The following THTPA variants were observed in gnomAD, a reference collection of about 807,000 sequenced individuals.
THTPA encodes thiamine-triphosphatase.
A neutral mutation model predicts 16.5 loss-of-function variants in THTPA; 16 were observed. That is an observed-to-expected ratio of 0.97 (90% CI 0.66 to 1.47). The LOEUF (loss-of-function observed/expected upper bound fraction) is 1.47, where lower values mean the gene tolerates loss of function less well. Among genes scored for constraint, THTPA ranks in the 40% most tolerant of loss-of-function variants. The pLI is 0.00. For missense variants in THTPA, 281 were observed against 280.9 expected, an observed-to-expected ratio of 1.00 and a Z score of 0.00; for synonymous variants, 110 against 115.5, an observed-to-expected ratio of 0.95 and a Z score of 0.30.
the THTPA span, chr14:23,534,965 C>T: frequency 6.5e-6 from 10 of 1,536,168 alleles, no homozygotes; most frequent in Non-Finnish European, 8.7e-6. This position sits in a 1 kb window ranked among gnomAD's most constrained non-coding sequence, Gnocchi z 4.5. Context: ...AGGTAGGCCT[C>T]ACCTCCAGCT....
In THTPA at chr14:23,557,280, A is replaced by T. The variant is rs147185061; in HGVS notation, c.523A>T (p.Ile175Phe). 1 of 1,605,444 alleles carries T rather than the reference A, an allele frequency of 6.2e-7. No homozygotes were observed. Among genetic ancestry groups the T allele is most frequent in the African/African-American group, 1.3e-5 (1 of 74,956 alleles). ...TGAAGTACCAACTGCCCTAGAGAAG[A>T]TCCACAGGCTCAGCAGCATGCTTGG... ...EAEVPTALEK[I>F]HRLSSMLGVP... is the part of the protein sequence containing the mutation. Residue 175 changes from isoleucine to phenylalanine, a missense_variant, in exon 1 of 2, where the codon ATC becomes TTC. Transcript: ENST00000288014.
chr14:23,552,035 T>C (rs1046198657), upstream of THTPA, among the ~76,000 whole-genome samples: 1 of 152,186 alleles, frequency 6.6e-6, no homozygotes, highest in Non-Finnish European at 1.5e-5. Context: ...TGTTTTGTTT[T>C]AAATCAGCTT....
the THTPA span, among the ~76,000 whole-genome samples, chr14:23,548,221 A>G: frequency 1.3e-5 from 2 of 151,914 alleles, no homozygotes; most frequent in Non-Finnish European, 2.9e-5. Flanking sequence ...TTTTGATCCA[A>G]CCATCCTGAC....
the THTPA span, chr14:23,525,643 G>A: frequency 8.5e-6 from 13 of 1,535,668 alleles, no homozygotes; most frequent in East Asian, 2.4e-5. The surrounding 1 kb of genome is among the most constrained non-coding windows in gnomAD (Gnocchi z 5.9). Flanking sequence ...GGGCAGCCTC[G>A]TTGGGCAATG....
Position 23,557,240 on chromosome 14 carries a change from G to A in THTPA, c.483G>A (p.Leu161=), listed in dbSNP as rs1292370177. ...ACGCTGTGGGTGAGGTAGAGGCCCT[G>A]GTGCATGAGGAGGCTGAAGTACCAA... ...FGYAVGEVEA[L]VHEEAEVPTA... The change falls in exon 1 of 2, where the codon CTG becomes CTA. Residue 161 remains leucine (L), a synonymous_variant. Coordinates refer to ENST00000288014, the MANE Select transcript of THTPA (RefSeq NM_024328.6). The A allele has an allele frequency of 1.9e-6, 3 of 1,612,670 alleles. No homozygotes were observed. The highest frequency in any genetic ancestry group is 2.2e-5 in the East Asian group (1 of 44,884).
chr14:23,513,138 C>A, the THTPA span: 1 of 152,278 alleles, frequency 6.6e-6, no homozygotes, highest in African/African-American at 2.4e-5. Flanking sequence ...TCTCCCCATC[C>A]CCCCAGCTTG....
chr14:23,541,824 A>G, the THTPA span, among the ~76,000 whole-genome samples: 2 of 65,510 alleles, frequency 3.1e-5, no homozygotes, highest in African/African-American at 1.2e-4. Flanking sequence ...CTATCATTCT[A>G]TCATCTCTAA....
At chr14:23,514,373 C>T in the THTPA span, 1 of 152,698 alleles carries the variant, frequency 6.5e-6, no homozygotes, top group African/African-American at 2.4e-5. Flanking sequence ...CCTGCCTGGC[C>T]CCCAGCCAGT....
intron 1 of THTPA, 94 bp downstream of exon 1, chr14:23,557,398 A>G: frequency 1.5e-6 from 2 of 1,369,186 alleles, no homozygotes; most frequent in Non-Finnish European, 1.9e-6. Context: ...GGGCCTCCGG[A>G]TTAAAAATTT....
the THTPA span, chr14:23,544,346 T>C: frequency 6.6e-6 from 1 of 151,712 alleles, no homozygotes; most frequent in Non-Finnish European, 1.5e-5. Flanking sequence ...AGGATCATCA[T>C]TGAGATTGGC....
chr14:23,524,945 G>A, the THTPA span: 10 of 1,536,182 alleles, frequency 6.5e-6, no homozygotes, highest in African/African-American at 9.6e-5. This position sits in a 1 kb window ranked among gnomAD's most constrained non-coding sequence, Gnocchi z 5.6. Flanking sequence ...GGCTCCCCCA[G>A]TGCCTCCTCC....
the THTPA span, among the ~76,000 whole-genome samples, chr14:23,544,664 G>A: frequency 6.6e-6 from 1 of 152,206 alleles, no homozygotes; most frequent in Non-Finnish European, 1.5e-5. Flanking sequence ...GTTTAGGGTG[G>A]TGGTAATTAC....
At chr14:23,531,464 A>C in the THTPA span, 1 of 1,388,764 alleles carries the variant, frequency 7.2e-7, no homozygotes, top group Non-Finnish European at 9.4e-7. Flanking sequence ...CTTATTCTCC[A>C]GTCCCTTCTT....
At chr14:23,551,194 C>A (rs1053022384), upstream of THTPA, 1 of 152,748 alleles carries the variant, frequency 6.5e-6, no homozygotes, top group African/African-American at 2.4e-5. This position sits in a 1 kb window ranked among gnomAD's most constrained non-coding sequence, Gnocchi z 5.3. Context: ...CTCCCCCAGC[C>A]CCTTCCCGTC....
At chr14:23,521,999 G>A in the THTPA span, 1 of 1,536,368 alleles carries the variant, frequency 6.5e-7, no homozygotes, top group South Asian at 1.2e-5. Flanking sequence ...CGTAGTTTTT[G>A]GGTTGGAGTC....
chr14:23,551,059 G>A (rs985028325), upstream of THTPA, among the ~76,000 whole-genome samples: 1 of 151,224 alleles, frequency 6.6e-6, no homozygotes, highest in Non-Finnish European at 1.5e-5. This position sits in a 1 kb window ranked among gnomAD's most constrained non-coding sequence, Gnocchi z 5.3. Context: ...TGCCTTTCCC[G>A]TTCCCGTTTC....
Position 23,557,319 on chromosome 14 carries a change from C to T in THTPA, c.547+15C>T. The stretch of plus-strand genomic sequence containing the variant: ...CAGCATGCTTGGTGAGGGAGACAGG[C>T]CCTTTTGTGCTTTTCCTGCTCCCCA... On this transcript the variant is annotated intron_variant, in intron 1 of 1. Coordinates refer to ENST00000288014, the MANE Select transcript of THTPA (RefSeq NM_024328.6). 1.9e-6 allele frequency: 3 copies of T among 1,562,992 alleles called. No homozygotes were observed. Among genetic ancestry groups the T allele is most frequent in the Non-Finnish European group, 2.6e-6 (3 of 1,159,004 alleles).
Position 23,557,065 on chromosome 14 carries a change from C to T in THTPA, c.308C>T (p.Ala103Val). The change falls in exon 1 of 2, where the codon GCT (alanine) becomes GTT (valine). Residue 103 changes from alanine (A) to valine (V), a missense_variant. Transcript: ENST00000288014. ...CKVLRADGLG[A>V]GDVAAVLGPL... ...GTGCTGCGGGCTGACGGCCTGGGGGCTGGAGATGTGGCTGCTGTGCTGGGC... is the reference window on the plus strand; with the variant it reads ...GTGCTGCGGGCTGACGGCCTGGGGGTTGGAGATGTGGCTGCTGTGCTGGGC... The T allele has an allele frequency of 6.2e-7, 1 of 1,614,196 alleles. No individual in the cohort carries two copies. Among genetic ancestry groups the T allele is most frequent in the Non-Finnish European group, 8.5e-7 (1 of 1,180,040 alleles).
the THTPA span, among the ~76,000 whole-genome samples, chr14:23,546,181 T>TGCACACCCTG: frequency 6.6e-6 from 1 of 152,254 alleles, no homozygotes; most frequent in Non-Finnish European, 1.5e-5. This position sits in a 1 kb window ranked among gnomAD's most constrained non-coding sequence, Gnocchi z 4.7. Flanking sequence ...AGAGAGGTCT[T>TGCACACCCTG]GCACACCCTG....
Sources: allele counts gnomAD v4.1 joint callset (sites outside exome capture counted in the v4.1 genomes callset), GRCh38; gene constraint gnomAD v4.1.1; non-coding constraint Gnocchi (gnomAD v3.1); transcripts MANE v1.5; gene names NCBI Gene and HGNC (gene_info 2026-07-23, HGNC 2026-07-21).